MYOF: variants seen among roughly 807,000 people sequenced by gnomAD.
MYOF encodes the protein fer-1-like 3, myoferlin.
In MYOF, 244 loss-of-function variants were observed where a neutral mutation model predicts 284.2. The ratio of observed to expected loss-of-function variants is 0.86; its 90% CI spans 0.77 to 0.95. The LOEUF (loss-of-function observed/expected upper bound fraction) is 0.95, where lower values mean the gene tolerates loss of function less well. Ranked by LOEUF, MYOF falls within the 40% of genes least tolerant of loss-of-function variation. MYOF has a pLI of 0.00. For missense variants in MYOF, 2,496 were observed against 2,560.6 expected, an observed-to-expected ratio of 0.97 and a Z score of 0.54; for synonymous variants, 904 against 919.7, an observed-to-expected ratio of 0.98 and a Z score of 0.31.
chr10:93,337,477 T>C (rs1240779633), intron 40 of MYOF: 1 of 240,474 alleles, frequency 4.2e-6, no homozygotes, highest in Non-Finnish European at 8.0e-6. Context: ...TCTTGTGTCA[T>C]TCTGCAAAGA....
At chr10:93,344,015 C>T (rs1036778624) in intron 37 of MYOF, 83 bp from the exon 38 acceptor site, 1 of 1,436,114 alleles carries the variant, frequency 7.0e-7, no homozygotes. Context: ...AGTTTAACAG[C>T]CATAGGGTGG....
intron 1 of MYOF, among the ~76,000 whole-genome samples, chr10:93,472,843 C>G (rs976945852): frequency 6.6e-6 from 1 of 152,276 alleles, no homozygotes; most frequent in Admixed American, 6.5e-5. Context: ...GGAAATGTCC[C>G]CCAGGACTCT....
intron 51 of MYOF, among the ~76,000 whole-genome samples, chr10:93,311,785 T>C (rs1371797409): frequency 6.6e-6 from 1 of 152,210 alleles, no homozygotes; most frequent in Non-Finnish European, 1.5e-5. Flanking sequence ...TTTCTGACTT[T>C]GGCAAGTTGC....
chr10:93,464,540 C>G (rs1490826962), intron 1 of MYOF, among the ~76,000 whole-genome samples: 1 of 152,190 alleles, frequency 6.6e-6, no homozygotes, highest in Non-Finnish European at 1.5e-5. Context: ...CCCAGCCCCT[C>G]TGACTGAACT....
In MYOF at chr10:93,392,996, G is replaced by A. The variant is rs201547270; in HGVS notation, c.1418-41C>T. On this transcript the variant is annotated intron_variant, in intron 16 of 53. Transcript: ENST00000359263. Reference sequence around the variant, plus strand: ...ATGACTGGTTAAACAAGAAGAACACGGGCATTATAAAACAGACATTGAAAA... The same window carrying A: ...ATGACTGGTTAAACAAGAAGAACACAGGCATTATAAAACAGACATTGAAAA... The A allele has an allele frequency of 9.0e-5, 138 of 1,534,914 alleles. No individual in the cohort carries two copies. In the East Asian group the frequency reaches 1.5e-3, roughly 17 times the overall value.
At position 93,361,469 on chromosome 10, in the gene MYOF, C is replaced by T. The variant is rs374817796; in HGVS notation, c.2957G>A (p.Arg986Gln). 4 of 1,613,988 alleles carry T rather than the reference C, an allele frequency of 2.5e-6. No individual in the cohort carries two copies. The highest frequency in any genetic ancestry group is 2.5e-6 in the Non-Finnish European group (3 of 1,180,006). Residue 986 changes from arginine to glutamine, a missense_variant, in exon 28 of 54, where the codon CGA becomes CAA. Arg to Gln is a conservative substitution (Grantham distance 43). This residue lies in a region of MYOF where 2,436 missense variants were observed against 2,480.7 expected (regional missense o/e 0.98). Transcript: ENST00000359263. The stretch of plus-strand genomic sequence containing the variant: ...AATGTTACCTTTCTCATCCACCGCT[C>T]GATTTATGTCATAAGACCATGCATC... The part of the protein sequence containing the change: ...EDDAWSYDIN[R>Q]AVDEKGWEYG...
intron 5 of MYOF, among the ~76,000 whole-genome samples, chr10:93,419,670 T>C (rs1205710190): frequency 6.6e-6 from 1 of 152,218 alleles, no homozygotes; most frequent in South Asian, 2.1e-4. Context: ...AACAATTTGG[T>C]CAATCTCTCT....
chr10:93,418,287 A>G (rs10882231), intron 5 of MYOF, among the ~76,000 whole-genome samples: 10,135 of 152,328 alleles, frequency 0.067, 1,318 homozygotes, highest in East Asian at 0.64. Context: ...GTTTTGAAGC[A>G]GGAAAACATG....
chr10:93,453,649 G>A (rs1048271699), intron 2 of MYOF, among the ~76,000 whole-genome samples: 6 of 152,244 alleles, frequency 3.9e-5, no homozygotes, highest in African/African-American at 1.4e-4. Flanking sequence ...GCTCATACCT[G>A]TAACTCCAGC....
intron 18 of MYOF, 91 bp downstream of exon 18, chr10:93,388,939 T>C (rs1846535349): frequency 6.7e-7 from 1 of 1,491,366 alleles, no homozygotes; most frequent in Non-Finnish European, 9.0e-7. Context: ...AGTATGAAAC[T>C]TCTATCCTGC....
intron 2 of MYOF, among the ~76,000 whole-genome samples, chr10:93,455,299 CAAAAAACA>C (rs1371858552): frequency 8.3e-5 from 6 of 72,656 alleles, no homozygotes; most frequent in African/African-American, 1.2e-4. Context: ...AAAACAAAAA[CAAAAAACA>C]AAAAAACAAA....
intron 19 of MYOF, 99 bp from the exon 20 acceptor site, chr10:93,381,495 G>T: frequency 8.1e-7 from 1 of 1,228,308 alleles, no homozygotes; most frequent in Non-Finnish European, 1.1e-6. Context: ...AATAATTAGT[G>T]CTGAATTAAA....
chr10:93,352,389 G>A (rs1844566450), intron 32 of MYOF, among the ~76,000 whole-genome samples: 1 of 152,160 alleles, frequency 6.6e-6, no homozygotes, highest in African/African-American at 2.4e-5. Context: ...TAATGTTGAT[G>A]GTAATCGATT....
At position 93,336,023 on chromosome 10, in the gene MYOF, A is replaced by G. The variant is rs1798944042; in HGVS notation, c.4461T>C (p.Asn1487=). 2 of 1,613,896 alleles carry G rather than the reference A, an allele frequency of 1.2e-6. No homozygotes were observed. The highest frequency in any genetic ancestry group is 2.7e-5 in the African/African-American group (2 of 74,916). The part of the protein sequence containing the change: ...KLKIYNCELE[N]VAEFEGLTDF... ...CTGTCAGGCCCTCAAATTCTGCTACATTTTCTAGTTCACAATTATATATCT... is the reference window on the plus strand; with the variant it reads ...CTGTCAGGCCCTCAAATTCTGCTACGTTTTCTAGTTCACAATTATATATCT... Residue 1487 remains asparagine (N), a synonymous_variant, in exon 41 of 54, where the codon AAT becomes AAC. Transcript: ENST00000359263.
At chr10:93,382,702 G>A (rs1242094140) in intron 19 of MYOF, among the ~76,000 whole-genome samples, 1 of 152,070 alleles carries the variant, frequency 6.6e-6, no homozygotes, top group Non-Finnish European at 1.5e-5. Flanking sequence ...TTCTTTATGA[G>A]CCATATCTCC....
intron 3 of MYOF, among the ~76,000 whole-genome samples, chr10:93,442,674 A>G (rs1406425301): frequency 6.6e-6 from 1 of 152,228 alleles, no homozygotes; most frequent in African/African-American, 2.4e-5. Context: ...TTTTGCATGC[A>G]CAAGTACATG....
intron 4 of MYOF, among the ~76,000 whole-genome samples, chr10:93,428,790 G>A (rs552100653): frequency 2.6e-5 from 4 of 152,268 alleles, no homozygotes; most frequent in African/African-American, 9.6e-5. Flanking sequence ...GCTGAACGCA[G>A]GGAGCACTGA....
intron 40 of MYOF, among the ~76,000 whole-genome samples, chr10:93,337,276 G>A (rs1479683567): frequency 2.0e-5 from 3 of 151,644 alleles, no homozygotes; most frequent in Non-Finnish European, 4.4e-5. Flanking sequence ...AAAATTGAAT[G>A]AAGAATTAGA....
intron 28 of MYOF, among the ~76,000 whole-genome samples, chr10:93,360,394 C>G (rs1056672611): frequency 1.3e-5 from 2 of 152,218 alleles, no homozygotes; most frequent in Non-Finnish European, 2.9e-5. Flanking sequence ...CTGCCTATGG[C>G]CCAATTTCCC....
Sources: allele counts gnomAD v4.1 joint callset (sites outside exome capture counted in the v4.1 genomes callset), GRCh38; gene constraint gnomAD v4.1.1; regional missense constraint gnomAD v4.1.1; transcripts MANE v1.5; gene names NCBI Gene and HGNC (gene_info 2026-07-23, HGNC 2026-07-21).